Variants in AR observed in about 807,000 individuals in gnomAD.
The protein encoded by AR is dihydrotestosterone receptor.
In AR, 8 loss-of-function variants were observed where a neutral mutation model predicts 53.9. The observed-to-expected ratio is 0.15, with a 90% CI of 0.09 to 0.27. AR has a LOEUF of 0.27. Among genes scored for constraint, AR ranks in the 10% least tolerant of loss-of-function variants. The pLI, the probability that AR is intolerant of heterozygous loss-of-function variation, is 1.00. For synonymous variants in AR, 359 were observed against 316.4 expected (o/e 1.13, Z -1.43); for missense variants, 639 against 742.5 (o/e 0.86, Z 1.62).
At position 67,711,622 on chromosome X, in the gene AR, C is replaced by G. The variant is rs374874245; in HGVS notation, c.2106C>G (p.Leu702=). The change falls in exon 4 of 8, where the codon CTC becomes CTG. Residue 702 remains leucine, a synonymous_variant. Transcript: ENST00000374690. ...AGCCCGACTCCTTTGCAGCCTTGCT[C>G]TCTAGCCTCAATGAACTGGGAGAGA... ...NNQPDSFAAL[L]SSLNELGERQ... The G allele has an allele frequency of 3.6e-5, 44 of 1,207,434 alleles. No homozygotes were observed. The highest frequency in any genetic ancestry group is 1.0e-4 in the African/African-American group (6 of 57,197).
chrX:67,546,280 G>T lies in AR; in HGVS notation c.1134G>T (p.Pro378=), dbSNP rs774540165. ...CTCTGGCCGGACCGCCGCCCCCTCCGCCGCCTCCCCATCCCCACGCTCGCA... is the reference window on the plus strand; with the variant it reads ...CTCTGGCCGGACCGCCGCCCCCTCCTCCGCCTCCCCATCCCCACGCTCGCA... ...PLALAGPPPP[P]PPPHPHARIK... The change falls in exon 1 of 8, where the codon CCG becomes CCT. Residue 378 remains proline (P), a synonymous_variant. Transcript: ENST00000374690. 2 of 1,200,751 alleles carry T rather than the reference G, an allele frequency of 1.7e-6. No homozygotes were observed. Among genetic ancestry groups the T allele is most frequent in the Non-Finnish European group, 2.2e-6 (2 of 890,895 alleles).
chrX:67,674,681 C>G (rs1167217657), intron 2 of AR, among the ~76,000 whole-genome samples: 2 of 111,212 alleles, frequency 1.8e-5, no homozygotes, highest in African/African-American at 3.3e-5. Flanking sequence ...AAGGCTGAGT[C>G]TCTCCCTTCA....
chrX:67,717,484 G>C lies in AR; in HGVS notation c.2180G>C (p.Arg727Pro), dbSNP rs137852593. ...TCTGCCTCTTCTTCTCCAGGCTTCC[G>C]CAACTTACACGTGGACGACCAGATG... ...VKWAKALPGFRNLHVDDQMAV... is the reference protein window; with the variant it reads ...VKWAKALPGFPNLHVDDQMAV... The change falls in exon 5 of 8, where the codon CGC becomes CCC. Residue 727 changes from arginine to proline, a missense_variant. Arg to Pro is a moderately radical substitution (Grantham distance 103). Transcript: ENST00000374690. 2 of 1,210,110 alleles carry C rather than the reference G, an allele frequency of 1.7e-6. No individual in the cohort carries two copies. Among genetic ancestry groups the C allele is most frequent in the African/African-American group, 3.5e-5 (2 of 57,241 alleles).
chrX:67,548,758 T>C (rs1929875111), intron 1 of AR, among the ~76,000 whole-genome samples: 1 of 112,446 alleles, frequency 8.9e-6, no homozygotes, highest in African/African-American at 3.2e-5. Flanking sequence ...TGATTTTATT[T>C]CAGGTCTTAA....
chrX:67,626,153 T>C (rs1330327837), intron 1 of AR, among the ~76,000 whole-genome samples: 3 of 111,221 alleles, frequency 2.7e-5, no homozygotes, highest in Admixed American at 9.7e-5. Flanking sequence ...TATCAAATAC[T>C]ATATGTTATT....
intron 2 of AR, among the ~76,000 whole-genome samples, chrX:67,663,421 A>G (rs1927062448): frequency 8.9e-6 from 1 of 112,061 alleles, no homozygotes; most frequent in Non-Finnish European, 1.9e-5. Context: ...TGGTTTTAAA[A>G]TTCTTTTCTT....
rs1569263665 is a variant in AR, at chrX:67,545,386, A to AG, written c.241dup (p.Glu81GlyfsTer3). 1.1e-5 allele frequency: 11 copies of AG among 1,032,925 alleles called. No individual in the cohort carries two copies. In the East Asian group the frequency reaches 4.0e-4, roughly 38 times the overall value. 85.1% of individuals were successfully genotyped at this position (1,032,925 alleles called of 1,213,427 possible). A position where few individuals can be genotyped will look rare whatever the true frequency, so the allele number is the denominator to read the frequency against. On this transcript the variant is annotated frameshift_variant, in exon 1 of 8. Coordinates refer to ENST00000374690, the MANE Select transcript of AR (RefSeq NM_000044.6). LOFTEE classifies it high-confidence loss of function. ...AGCAGCAGCAGCAGCAGCAGCAGCA[A>AG]GAGACTAGCCCCAGGCAGCAGCAGC...
intron 6 of AR, 67 bp downstream of exon 6, chrX:67,722,030 C>A (rs769012940): frequency 2.6e-6 from 3 of 1,160,975 alleles, no homozygotes; most frequent in Non-Finnish European, 3.5e-6. Flanking sequence ...CCACTTTTGC[C>A]ATTAAAACAT....
intron 1 of AR, among the ~76,000 whole-genome samples, chrX:67,569,714 G>C (rs1921730673): frequency 9.0e-6 from 1 of 111,281 alleles, no homozygotes; most frequent in Admixed American, 9.6e-5. Context: ...CTGTATCACT[G>C]TGTCTGTATT....
At chrX:67,568,547 G>A (rs1039867309) in intron 1 of AR, among the ~76,000 whole-genome samples, 5 of 111,411 alleles carry the variant, frequency 4.5e-5, no homozygotes, top group African/African-American at 6.5e-5. Context: ...GGGACAGTGG[G>A]TTCTGCGGTA....
intron 1 of AR, among the ~76,000 whole-genome samples, chrX:67,558,570 C>A (rs1315487896): frequency 9.0e-6 from 1 of 111,386 alleles, no homozygotes; most frequent in Non-Finnish European, 1.9e-5. Context: ...CTGATCCTCA[C>A]CAAATAGGTG....
intron 2 of AR, among the ~76,000 whole-genome samples, chrX:67,674,021 C>T (rs2075883426): frequency 9.0e-6 from 1 of 110,852 alleles, no homozygotes; most frequent in Admixed American, 9.6e-5. Context: ...TGGAGCATCC[C>T]ATGCTCAGTA....
intron 1 of AR, among the ~76,000 whole-genome samples, chrX:67,634,760 G>A (rs1925341799): frequency 9.0e-6 from 1 of 111,391 alleles, no homozygotes; most frequent in Non-Finnish European, 1.9e-5. Flanking sequence ...CCACAAATAA[G>A]TAAGCACAAT....
intron 5 of AR, among the ~76,000 whole-genome samples, chrX:67,718,759 G>A (rs753919632): frequency 1.3e-4 from 14 of 111,117 alleles, no homozygotes; most frequent in Admixed American, 6.7e-4. Flanking sequence ...TCAGCTTCCC[G>A]AGTAGCTGGG....
intron 1 of AR, among the ~76,000 whole-genome samples, chrX:67,575,933 C>A (rs1322507621): frequency 9.0e-6 from 1 of 110,637 alleles, no homozygotes; most frequent in Non-Finnish European, 1.9e-5. Context: ...TTAAGTTTCA[C>A]ATGAAAAAGA....
chrX:67,576,725 G>T (rs1922062995), intron 1 of AR, among the ~76,000 whole-genome samples: 1 of 110,758 alleles, frequency 9.0e-6, no homozygotes, highest in Non-Finnish European at 1.9e-5. Flanking sequence ...CTGAGAGCTA[G>T]CAGAGAAAGC....
At chrX:67,644,313 G>A (rs903245732) in intron 2 of AR, among the ~76,000 whole-genome samples, 11 of 111,673 alleles carry the variant, frequency 9.9e-5, no homozygotes, top group Admixed American at 6.7e-4. Flanking sequence ...AGAGAGAGAT[G>A]CTGTGCTCTG....
intron 1 of AR, among the ~76,000 whole-genome samples, chrX:67,575,930 T>G (rs1922024321): frequency 9.0e-6 from 1 of 111,335 alleles, no homozygotes; most frequent in South Asian, 3.8e-4. Flanking sequence ...TATTTAAGTT[T>G]CACATGAAAA....
chrX:67,647,307 A>G (rs1462898656), intron 2 of AR, among the ~76,000 whole-genome samples: 1 of 111,800 alleles, frequency 8.9e-6, no homozygotes, highest in Non-Finnish European at 1.9e-5. Flanking sequence ...TTTCTTTAGC[A>G]AATTTTATGT....
Sources: gnomAD v4.1 joint callset for allele counts (sites outside exome capture counted in the v4.1 genomes callset) on GRCh38, gnomAD v4.1.1 for gene constraint, MANE v1.5 for transcripts, NCBI Gene and HGNC (gene_info 2026-07-23, HGNC 2026-07-21) for gene names.